SLC16A10: variants seen among roughly 807,000 people sequenced by gnomAD.
SLC16A10 encodes solute carrier family 16 member 10.
Under a neutral mutation model 40.0 loss-of-function variants are expected in SLC16A10, and 27 were observed. The ratio of observed to expected loss-of-function variants is 0.67; its 90% confidence interval spans 0.50 to 0.93. The LOEUF (loss-of-function observed/expected upper bound fraction) is 0.93, where lower values mean the gene tolerates loss of function less well. Among genes scored for constraint, SLC16A10 ranks in the 40% least tolerant of loss-of-function variants. The pLI is 0.00. For synonymous variants in SLC16A10, 213 were observed against 249.8 expected (o/e 0.85, Z 1.39); for missense variants, 529 against 658.2 (o/e 0.80, Z 2.15).
intron 5 of SLC16A10, among the ~76,000 whole-genome samples, chr6:111,221,175 G>GGT (rs1770882214): frequency 2.0e-5 from 3 of 152,118 alleles, no homozygotes; most frequent in Non-Finnish European, 4.4e-5. Context: ...AAAACACTAA[G>GGT]ATAACTTTTA....
chr6:111,137,338 C>G (rs1014910888), intron 1 of SLC16A10, among the ~76,000 whole-genome samples: 14 of 152,230 alleles, frequency 9.2e-5, no homozygotes, highest in African/African-American at 3.1e-4. Flanking sequence ...TAGCACCCAT[C>G]AGATGGCCAA....
chr6:111,118,690 A>G (rs1771532346), intron 1 of SLC16A10, among the ~76,000 whole-genome samples: 1 of 151,882 alleles, frequency 6.6e-6, no homozygotes, highest in Admixed American at 6.6e-5. Flanking sequence ...AAAAAAAAAA[A>G]AAAAAAAAAA....
chr6:111,174,361 C>T (rs890292308), intron 2 of SLC16A10, among the ~76,000 whole-genome samples: 3 of 151,530 alleles, frequency 2.0e-5, no homozygotes, highest in Non-Finnish European at 4.4e-5. Flanking sequence ...TACTCATTGC[C>T]GCCCCCCACC....
chr6:111,221,702 T>C (rs1770896714), intron 5 of SLC16A10, among the ~76,000 whole-genome samples: 2 of 151,676 alleles, frequency 1.3e-5, no homozygotes, highest in Admixed American at 1.3e-4. Context: ...GCCATGATTA[T>C]GCTACCGCAC....
rs913399879 is a variant in SLC16A10, at chr6:111,107,898, A to G, written c.343+19803A>G. 7.2e-5 allele frequency among the ~76,000 whole-genome samples: 11 copies of G among 152,346 alleles called. 1 individual carries two copies. The highest frequency in any genetic ancestry group is 2.1e-4 in the South Asian group (1 of 4,826). On this transcript the variant is annotated intron_variant, in intron 1 of 5. Coordinates refer to ENST00000368851, the MANE Select transcript of SLC16A10 (RefSeq NM_018593.5). ...AGCCAAAGTTTTAGCAAAACAAACA[A>G]ATACCCAGGGAAGCTTTACCAGAGA...
intron 5 of SLC16A10, among the ~76,000 whole-genome samples, chr6:111,220,059 C>T (rs1274784203): frequency 6.6e-6 from 1 of 152,152 alleles, no homozygotes; most frequent in East Asian, 1.9e-4. Context: ...TGCACTCCAG[C>T]CTGGGTGACA....
In SLC16A10 at chr6:111,087,659, TTA is replaced by T. The variant is rs1469517001; in HGVS notation, c.-93_-92del. ...CTCCGCCGCCCTCGCCTCGGCCTCG[TTA>T]GCCCGCCAGGAGCCCCGCAGCTCCT... is the stretch of plus-strand genomic sequence containing the variant. On this transcript the variant is annotated 5_prime_UTR_variant, in exon 1 of 6. Transcript: ENST00000368851. 8.4e-6 allele frequency: 6 copies of T among 712,610 alleles called. No homozygotes were observed. Among genetic ancestry groups the T allele is most frequent in the Middle Eastern group, 4.9e-4 (1 of 2,042 alleles). 44.1% of individuals were successfully genotyped at this position (712,610 alleles called of 1,614,324 possible).
At chr6:111,118,219 G>C (rs1209298928) in intron 1 of SLC16A10, among the ~76,000 whole-genome samples, 1 of 152,118 alleles carries the variant, frequency 6.6e-6, no homozygotes, top group East Asian at 1.9e-4. Context: ...GCCTCATAGG[G>C]CTTCTTGTTG....
intron 1 of SLC16A10, among the ~76,000 whole-genome samples, chr6:111,148,727 C>G (rs978833233): frequency 5.3e-5 from 8 of 152,222 alleles, no homozygotes; most frequent in African/African-American, 1.4e-4. Flanking sequence ...GGTTCCCTTC[C>G]TCCACCCTGT....
chr6:111,150,868 T>A (rs1048401349), intron 1 of SLC16A10, among the ~76,000 whole-genome samples: 28 of 152,246 alleles, frequency 1.8e-4, no homozygotes, highest in Admixed American at 1.8e-3. Context: ...GACAGCTGTT[T>A]TTTTAATTTG....
At chr6:111,114,918 A>T (rs560688677) in intron 1 of SLC16A10, among the ~76,000 whole-genome samples, 2 of 152,180 alleles carry the variant, frequency 1.3e-5, no homozygotes, top group African/African-American at 4.8e-5. Context: ...TCCATCGCCC[A>T]GGCTGGAGTG....
intron 1 of SLC16A10, among the ~76,000 whole-genome samples, chr6:111,163,288 G>T (rs1012871802): frequency 6.7e-6 from 1 of 149,264 alleles, no homozygotes; most frequent in African/African-American, 2.4e-5. Context: ...AAGTAGCTGG[G>T]ACTACAGGCG....
intron 1 of SLC16A10, among the ~76,000 whole-genome samples, chr6:111,159,591 C>T (rs1583335028): frequency 6.6e-6 from 1 of 152,026 alleles, no homozygotes; most frequent in Admixed American, 6.6e-5. Context: ...CAGCTATAAA[C>T]ATTTGTATAT....
Position 111,087,998 on chromosome 6 carries a change from G to C in SLC16A10, c.246G>C (p.Gly82=). 6.2e-7 allele frequency: 1 copy of C among 1,611,454 alleles called. No individual in the cohort carries two copies. The highest frequency in any genetic ancestry group is 8.5e-7 in the Non-Finnish European group (1 of 1,178,954). ...LVMLAAMWCN[G]SVFGIQNACG... The stretch of plus-strand genomic sequence containing the variant: ...TGCTGGCGGCCATGTGGTGCAACGG[G>C]TCGGTGTTCGGCATCCAGAACGCTT... The change falls in exon 1 of 6, where the codon GGG becomes GGC. Residue 82 remains glycine, a synonymous_variant. Transcript: ENST00000368851.
chr6:111,193,482 CT>C, intron 3 of SLC16A10, among the ~76,000 whole-genome samples: 1 of 152,226 alleles, frequency 6.6e-6, no homozygotes, highest in African/African-American at 2.4e-5. Context: ...TCAAAACAAG[CT>C]TGTTTTTTCT....
At chr6:111,141,782 C>G (rs1166671535) in intron 1 of SLC16A10, among the ~76,000 whole-genome samples, 1 of 152,176 alleles carries the variant, frequency 6.6e-6, no homozygotes, top group Non-Finnish European at 1.5e-5. Flanking sequence ...CTATAAAGCT[C>G]TGATGAAAGA....
At chr6:111,127,245 C>T (rs142466095) in intron 1 of SLC16A10, among the ~76,000 whole-genome samples, 1 of 152,130 alleles carries the variant, frequency 6.6e-6, no homozygotes, top group African/African-American at 2.4e-5. Context: ...GAAAGTAAAA[C>T]GGGACAATGC....
intron 1 of SLC16A10, among the ~76,000 whole-genome samples, chr6:111,100,250 T>C (rs746096224): frequency 2.0e-5 from 3 of 152,202 alleles, no homozygotes; most frequent in Non-Finnish European, 4.4e-5. Context: ...TCAATAGATC[T>C]GAAGCCTGAA....
intron 1 of SLC16A10, among the ~76,000 whole-genome samples, chr6:111,099,837 A>G (rs1771142003): frequency 6.6e-6 from 1 of 151,926 alleles, no homozygotes; most frequent in East Asian, 2.0e-4. Flanking sequence ...AGCCTGGGCA[A>G]CATGGTGAAA....
Sources: gnomAD v4.1 joint callset for allele counts (sites outside exome capture counted in the v4.1 genomes callset) on GRCh38, gnomAD v4.1.1 for gene constraint, MANE v1.5 for transcripts, NCBI Gene and HGNC (gene_info 2026-07-23, HGNC 2026-07-21) for gene names.